TFG: variants seen among roughly 807,000 people sequenced by gnomAD.
TFG encodes protein TFG.
Under a neutral mutation model 51.4 loss-of-function variants are expected in TFG, and 22 were observed. The observed-to-expected ratio is 0.43, with a 90% CI of 0.31 to 0.61. The LOEUF is 0.61. TFG is among the 20% of genes least tolerant of loss of function. TFG has a pLI of 0.12. For missense variants in TFG, 419 were observed against 487.7 expected (o/e 0.86, Z 1.33); for synonymous variants, 187 against 165.6 (o/e 1.13, Z -0.99).
intron 2 of TFG, among the ~76,000 whole-genome samples, chr3:100,717,674 C>T (rs929775752): frequency 6.9e-6 from 1 of 145,336 alleles, no homozygotes; most frequent in African/African-American, 2.6e-5. Flanking sequence ...AATGGGATTG[C>T]ATTTTTTATT....
chr3:100,732,184 CA>C (rs3841652), intron 4 of TFG, among the ~76,000 whole-genome samples: 2 of 151,502 alleles, frequency 1.3e-5, no homozygotes, highest in African/African-American at 4.8e-5. Flanking sequence ...TATTGGGCTC[CA>C]AAAAAACCAA....
chr3:100,732,850 G>A (rs975094360), intron 5 of TFG, among the ~76,000 whole-genome samples, 178 bp downstream of exon 5: 2 of 152,102 alleles, frequency 1.3e-5, no homozygotes, highest in African/African-American at 2.4e-5. Flanking sequence ...ACTAGATTAA[G>A]ATGTAGATGA....
rs139621969 is a variant in TFG at position 100,739,053 on chromosome 3, G to T, written c.721+2337G>T. On this transcript the variant is annotated intron_variant, in intron 6 of 7. Coordinates refer to ENST00000240851, the MANE Select transcript of TFG (RefSeq NM_006070.6). ...CATGTAGCTAGTGATTATTTTAAGA[G>T]CACAGCTTTAGATAAATATAGTCGT... 3.4e-3 allele frequency among the ~76,000 whole-genome samples: 521 copies of T among 152,224 alleles called. 5 individuals are homozygous for T. Among genetic ancestry groups the T allele is most frequent in the Non-Finnish European group, 5.0e-3 (341 of 67,992 alleles).
chr3:100,728,173 A>G (rs2095081120), intron 3 of TFG, among the ~76,000 whole-genome samples: 1 of 151,952 alleles, frequency 6.6e-6, no homozygotes, highest in South Asian at 2.1e-4. Flanking sequence ...AAGATCAGCT[A>G]TTTTAGTTAG....
At chr3:100,712,747 T>C (rs2095034642) in intron 1 of TFG, among the ~76,000 whole-genome samples, 1 of 152,202 alleles carries the variant, frequency 6.6e-6, no homozygotes. Context: ...CTGGTAGTGT[T>C]AAGTGCTTTG....
upstream of TFG, chr3:100,709,315 T>C (rs1051917899): frequency 6.6e-6 from 1 of 152,218 alleles, no homozygotes; most frequent in Non-Finnish European, 1.5e-5. Flanking sequence ...CATGCGTGCA[T>C]CGGGGCAGCT....
chr3:100,730,239 A>C (rs763842843), intron 4 of TFG, among the ~76,000 whole-genome samples: 12 of 152,194 alleles, frequency 7.9e-5, no homozygotes, highest in Non-Finnish European at 1.6e-4. Flanking sequence ...ACAGTGGCCC[A>C]CATTCTACTC....
rs1285703303 is a variant in TFG, at chr3:100,748,319, G to A, written c.991G>A (p.Ala331Thr). Residue 331 changes from alanine (A) to threonine (T), a missense_variant, in exon 8 of 8, where the codon GCC becomes ACC. Coordinates refer to ENST00000240851, the MANE Select transcript of TFG (RefSeq NM_006070.6). ...CAATTATCCTGCACAAACTTACACT[G>A]CCCAAACTTCTCAGCCTACTAATTA... ...ASNYPAQTYT[A>T]QTSQPTNYTV... 1.2e-6 allele frequency: 2 copies of A among 1,613,938 alleles called. No homozygotes were observed. The highest frequency in any genetic ancestry group is 1.3e-5 in the African/African-American group (1 of 74,962).
At chr3:100,711,480 C>T (rs1252687239) in intron 1 of TFG, among the ~76,000 whole-genome samples, 1 of 152,158 alleles carries the variant, frequency 6.6e-6, no homozygotes, top group Non-Finnish European at 1.5e-5. Flanking sequence ...ATCTTCAAAG[C>T]TGGAATTTTT....
chr3:100,736,874 A>C (rs1040118393), intron 6 of TFG, among the ~76,000 whole-genome samples, 158 bp downstream of exon 6: 7 of 152,204 alleles, frequency 4.6e-5, no homozygotes, highest in Non-Finnish European at 8.8e-5. Flanking sequence ...AAATAGAACA[A>C]TATGTCAGGT....
At chr3:100,746,383 A>T (rs944726498) in intron 7 of TFG, among the ~76,000 whole-genome samples, 2 of 152,140 alleles carry the variant, frequency 1.3e-5, no homozygotes, top group East Asian at 3.9e-4. Flanking sequence ...TGACTTGTCA[A>T]AGCACATACA....
At chr3:100,736,767 T>C in intron 6 of TFG, 51 bp downstream of exon 6, 1 of 1,511,300 alleles carries the variant, frequency 6.6e-7, no homozygotes, top group Non-Finnish European at 8.9e-7. Flanking sequence ...TGTAGAAGTG[T>C]TTATTACAGC....
At chr3:100,747,680 CTTTT>C (rs2095143903) in intron 7 of TFG, among the ~76,000 whole-genome samples, 1 of 151,966 alleles carries the variant, frequency 6.6e-6, no homozygotes, top group Admixed American at 6.6e-5. Context: ...GAAAATGGTA[CTTTT>C]TATTTATTTG....
At chr3:100,746,202 G>GATTTAGT (rs1301058887) in intron 7 of TFG, among the ~76,000 whole-genome samples, 6 of 152,180 alleles carry the variant, frequency 3.9e-5, no homozygotes, top group African/African-American at 1.4e-4. Flanking sequence ...GAGCTGAAGA[G>GATTTAGT]ATTTAGTCAT....
intron 4 of TFG, 42 bp from the exon 5 acceptor site, chr3:100,732,465 AT>A: frequency 6.6e-7 from 1 of 1,503,782 alleles, no homozygotes. Flanking sequence ...CTGAATATAG[AT>A]AAAAAGGAAA....
intron 3 of TFG, among the ~76,000 whole-genome samples, chr3:100,725,741 C>A (rs1411153044): frequency 6.6e-6 from 1 of 151,668 alleles, no homozygotes; most frequent in Non-Finnish European, 1.5e-5. Context: ...TGCAGTGAGC[C>A]AAGATCAGGC....
intron 1 of TFG, 183 bp downstream of exon 1, chr3:100,709,904 G>C (rs1229252534): frequency 3.2e-5 from 4 of 123,406 alleles, no homozygotes; most frequent in Non-Finnish European, 5.2e-5. Flanking sequence ...GGCCGGGGGG[G>C]AGGGCGGGCG....
intron 1 of TFG, chr3:100,711,103 A>ATT (rs11354328): frequency 0.011 from 1,569 of 146,532 alleles, 30 homozygotes; most frequent in African/African-American, 0.037. Flanking sequence ...ACGTGACTCA[A>ATT]TTTTTTTTTT....
At chr3:100,742,517 C>T (rs960151096) in intron 6 of TFG, 2 of 152,204 alleles carry the variant, frequency 1.3e-5, no homozygotes, top group African/African-American at 4.8e-5. Flanking sequence ...GGGACCAACC[C>T]TGACAGGTTG....
Sources: gnomAD v4.1 joint callset for allele counts (sites outside exome capture counted in the v4.1 genomes callset) on GRCh38, gnomAD v4.1.1 for gene constraint, MANE v1.5 for transcripts, NCBI Gene and HGNC (gene_info 2026-07-23, HGNC 2026-07-21) for gene names.